CAND2: variants seen among roughly 807,000 people sequenced by gnomAD.
The protein encoded by CAND2 is cullin associated and neddylation dissociated 2 (putative).
CAND2 carries 62 observed loss-of-function variants against 98.9 expected under a neutral mutation model. The ratio of observed to expected loss-of-function variants is 0.63; its 90% CI spans 0.51 to 0.77. The LOEUF (loss-of-function observed/expected upper bound fraction) is 0.77, where lower values mean the gene tolerates loss of function less well. CAND2 is among the 30% of genes least tolerant of loss of function. CAND2 has a pLI of 0.00. For synonymous variants in CAND2, 770 were observed against 731.9 expected, an observed-to-expected ratio of 1.05 and a Z score of -0.84; for missense variants, 1,501 against 1,655.2, an observed-to-expected ratio of 0.91 and a Z score of 1.62.
At chr3:12,810,579 C>G (rs1391595587) in intron 5 of CAND2, among the ~76,000 whole-genome samples, 1 of 152,138 alleles carries the variant, frequency 6.6e-6, no homozygotes, top group Non-Finnish European at 1.5e-5. Flanking sequence ...GCCCTGAGCT[C>G]GACAAACCCC....
intron 1 of CAND2, among the ~76,000 whole-genome samples, chr3:12,801,522 G>A (rs2061767105): frequency 6.6e-6 from 1 of 152,166 alleles, no homozygotes; most frequent in Non-Finnish European, 1.5e-5. Flanking sequence ...TTGGAAAGTT[G>A]GCCCCAGCCT....
intron 7 of CAND2, among the ~76,000 whole-genome samples, chr3:12,814,343 G>A (rs1343900696): frequency 1.3e-5 from 2 of 152,170 alleles, no homozygotes; most frequent in Non-Finnish European, 2.9e-5. Context: ...ATAGGGCTGG[G>A]CCTCGTGGAC....
intron 11 of CAND2, among the ~76,000 whole-genome samples, chr3:12,824,229 A>T (rs1297142580): frequency 6.6e-6 from 1 of 152,244 alleles, no homozygotes; most frequent in Non-Finnish European, 1.5e-5. Flanking sequence ...TAGAACTTAA[A>T]GTATAATAAA....
In CAND2 at chr3:12,827,541, G is replaced by C; in HGVS notation, c.3312G>C (p.Gln1104His). The C allele has an allele frequency of 1.2e-6, 2 of 1,614,084 alleles. No individual in the cohort carries two copies. The highest frequency in any genetic ancestry group is 1.7e-6 in the Non-Finnish European group (2 of 1,180,008). Residue 1104 changes from glutamine (Q) to histidine (H), a missense_variant, in exon 13 of 15, where the codon CAG (glutamine) becomes CAC (histidine). By Grantham distance (24) the Gln-to-His change is conservative. Coordinates refer to ENST00000456430, the MANE Select transcript of CAND2 (RefSeq NM_001162499.2). The stretch of plus-strand genomic sequence containing the variant: ...CACTGCTTGAGAGCTGCCTGGGCCA[G>C]CTGGATATCTGTGAGTTCCTGAACC... ...MYSLLESCLGQLDICEFLNHV... is the reference protein window; with the variant it reads ...MYSLLESCLGHLDICEFLNHV...
At chr3:12,802,767 T>C (rs967442626) in intron 1 of CAND2, among the ~76,000 whole-genome samples, 4 of 152,178 alleles carry the variant, frequency 2.6e-5, no homozygotes, top group Admixed American at 6.5e-5. Context: ...TGTCCTTGTG[T>C]GAACCTCATA....
In CAND2 at chr3:12,816,995, C is replaced by T. The variant is rs1204833223; in HGVS notation, c.2063C>T (p.Pro688Leu). 1.2e-6 allele frequency: 2 copies of T among 1,613,106 alleles called. No homozygotes were observed. Among genetic ancestry groups the T allele is most frequent in the East Asian group, 4.5e-5 (2 of 44,868 alleles). The part of the protein sequence containing the change: ...ALAQSQGLSL[P>L]PSAVQAVLAE... ...GCCCAGAGCCAGGGCCTCAGCCTCC[C>T]ACCGTCTGCCGTGCAGGCCGTGCTG... The change falls in exon 10 of 15, where the codon CCA (proline) becomes CTA (leucine). Residue 688 changes from proline (P) to leucine (L), a missense_variant. Pro to Leu is a moderately conservative substitution (Grantham distance 98). Around this residue, in one of 3 missense-constraint regions of CAND2, gnomAD observed 1,427 missense variants for 1,545.3 expected, o/e 0.92. Transcript: ENST00000456430.
intron 2 of CAND2, 58 bp from the exon 3 acceptor site, chr3:12,807,248 C>A: frequency 1.3e-6 from 2 of 1,500,482 alleles, no homozygotes; most frequent in South Asian, 1.2e-5. Flanking sequence ...CATAAAGGGG[C>A]AGCCTGACTC....
intron 5 of CAND2, among the ~76,000 whole-genome samples, chr3:12,811,603 G>A (rs1258000624): frequency 2.0e-5 from 3 of 152,166 alleles, no homozygotes; most frequent in African/African-American, 2.4e-5. Context: ...ACGGAGTCTC[G>A]CTCTGTTGCC....
rs554671357 is a variant in CAND2 at position 12,820,437 on chromosome 3, C to T, written c.3040+256C>T. 3.4e-4 allele frequency among the ~76,000 whole-genome samples: 52 copies of T among 152,322 alleles called. 1 individual carries two copies. Among genetic ancestry groups the T allele is most frequent in the Admixed American group, 2.8e-3 (43 of 15,310 alleles). On this transcript the variant is annotated intron_variant, in intron 11 of 14. Transcript: ENST00000456430. ...TCGCTTTCCTCATCTGTCAAATGGG[C>T]GTGAGAAACTCTTATTATCTGCATT...
At chr3:12,828,332 A>T (rs2062020223) in intron 13 of CAND2, among the ~76,000 whole-genome samples, 1 of 147,904 alleles carries the variant, frequency 6.8e-6, no homozygotes, top group African/African-American at 2.5e-5. Context: ...TCTGCAGGTG[A>T]AGTGTTTTTT....
At chr3:12,819,240 A>C (rs1042556831) in intron 10 of CAND2, among the ~76,000 whole-genome samples, 1 of 152,242 alleles carries the variant, frequency 6.6e-6, no homozygotes, top group African/African-American at 2.4e-5. Flanking sequence ...GTAAAAGCTG[A>C]AAGTCTGAAT....
In CAND2 at chr3:12,803,667, C is replaced by G. The variant is rs75214970; in HGVS notation, c.212+36C>G. The G allele has an allele frequency of 7.7e-6, 12 of 1,548,470 alleles. No individual in the cohort carries two copies. The African/African-American group carries it at 1.6e-4, about 21-fold the overall frequency. The stretch of plus-strand genomic sequence containing the variant: ...GCCTCGGTGGAGCAGGAGAGGGGGC[C>G]CTACCTTGTGTGGGAGCATCCTGGG... On this transcript the variant is annotated intron_variant, in intron 2 of 14. Transcript: ENST00000456430.
chr3:12,799,294 T>C (rs1478008916), intron 1 of CAND2, among the ~76,000 whole-genome samples: 1 of 152,128 alleles, frequency 6.6e-6, no homozygotes, highest in Non-Finnish European at 1.5e-5. Flanking sequence ...ATTTTATATA[T>C]AGAAAATCTG....
Position 12,817,703 on chromosome 3 carries a change from C to A in CAND2, c.2771C>A (p.Ala924Asp). The A allele has an allele frequency of 6.3e-7, 1 of 1,596,594 alleles. No homozygotes were observed. Residue 924 changes from alanine to aspartate, a missense_variant, in exon 10 of 15, where the codon GCC (alanine) becomes GAC (aspartate). Ala to Asp is a moderately radical substitution (Grantham distance 126). Around this residue, in one of 3 missense-constraint regions of CAND2, gnomAD observed 1,427 missense variants for 1,545.3 expected, o/e 0.92. Coordinates refer to ENST00000456430, the MANE Select transcript of CAND2 (RefSeq NM_001162499.2). Reference sequence around the variant, plus strand: ...CACTCACTCAGGGAGGCCCTGGGGGCCGCCCAGCCTGACAGCCTGAAGCCC... The same window carrying A: ...CACTCACTCAGGGAGGCCCTGGGGGACGCCCAGCCTGACAGCCTGAAGCCC... ...LLHSLREALG[A>D]AQPDSLKPYA...
At position 12,810,331 on chromosome 3, in the gene CAND2, G is replaced by T; in HGVS notation, c.757+7G>T. 2 of 1,440,744 alleles carry T rather than the reference G, an allele frequency of 1.4e-6. No homozygotes were observed. Among genetic ancestry groups the T allele is most frequent in the Non-Finnish European group, 9.1e-7 (1 of 1,098,274 alleles). The allele number at this position is 1,440,744 out of a possible 1,614,324, so 89.2% of individuals were successfully genotyped here. On this transcript the variant is annotated splice_region_variant and intron_variant, in intron 5 of 14. Transcript: ENST00000456430. ...CAGGCCGGCCACCGCCTCGGTAAGG[G>T]GGCAGGGGGCGGGGCCTGGGCTGGC... is the stretch of plus-strand genomic sequence containing the variant.
At position 12,808,083 on chromosome 3, in the gene CAND2, T is replaced by G. The variant is rs550636571; in HGVS notation, c.368-127T>G. On this transcript the variant is annotated intron_variant, in intron 3 of 14. Transcript: ENST00000456430. ...GACTCTGGGTCAAACCTGGGACCTC[T>G]GGAGCCCTGGTAAGATTCCCGGGGA... is the stretch of plus-strand genomic sequence containing the variant. 1.1e-5 allele frequency: 14 copies of G among 1,258,766 alleles called. 1 individual carries two copies. In the East Asian group the frequency reaches 3.6e-4, roughly 33 times the overall value. 78.0% of individuals were successfully genotyped at this position (1,258,766 alleles called of 1,614,324 possible). A position where few individuals can be genotyped will look rare whatever the true frequency, so the allele number is the denominator to read the frequency against.
intron 1 of CAND2, among the ~76,000 whole-genome samples, chr3:12,800,832 C>T (rs2061760346): frequency 6.6e-6 from 1 of 151,530 alleles, no homozygotes; most frequent in African/African-American, 2.4e-5. Context: ...AAGTGATTCT[C>T]CTGCCTCAGC....
At chr3:12,809,919 T>C in intron 4 of CAND2, 140 bp from the exon 5 acceptor site, 1 of 890,582 alleles carries the variant, frequency 1.1e-6, no homozygotes, top group Non-Finnish European at 1.6e-6. Context: ...TCCTCACAGT[T>C]GCAGGGCACC....
rs1434315531 is a variant in CAND2 at position 12,813,379 on chromosome 3, A to G, written c.997A>G (p.Ser333Gly). Residue 333 changes from serine to glycine, a missense_variant, in exon 7 of 15, where the codon AGT becomes GGT. Ser to Gly is a moderately conservative substitution (Grantham distance 56, BLOSUM62 0). Around this residue, in one of 3 missense-constraint regions of CAND2, gnomAD observed 1,427 missense variants for 1,545.3 expected, o/e 0.92. Transcript: ENST00000456430. The stretch of plus-strand genomic sequence containing the variant: ...GATGGAGACAGAGGATAGTGAATTC[A>G]GTGAGCAAGGTTGGTGGACAGCCCA... ...EQMETEDSEF[S>G]EQESEDEYSD... 1.2e-6 allele frequency: 2 copies of G among 1,613,458 alleles called. No individual in the cohort carries two copies. The highest frequency in any genetic ancestry group is 1.7e-5 in the Admixed American group (1 of 59,968).
Sources: allele counts gnomAD v4.1 joint callset (sites outside exome capture counted in the v4.1 genomes callset), GRCh38; gene constraint gnomAD v4.1.1; regional missense constraint gnomAD v4.1.1; transcripts MANE v1.5; gene names NCBI Gene and HGNC (gene_info 2026-07-23, HGNC 2026-07-21).